Variants in GRM3 observed in about 807,000 individuals in gnomAD.
GRM3 encodes glutamate metabotropic receptor 3.
In GRM3, 26 loss-of-function variants were observed where a neutral mutation model predicts 70.5. That is an observed-to-expected ratio of 0.37 (90% CI 0.27 to 0.51). The LOEUF (loss-of-function observed/expected upper bound fraction) is 0.51. Ranked by LOEUF, GRM3 falls within the 20% of genes least tolerant of loss-of-function variation. The probability of loss-of-function intolerance (pLI) is 0.93; values close to 1 mark genes in which losing one functional copy is unlikely to be tolerated. For synonymous variants in GRM3, 443 were observed against 434.9 expected, an observed-to-expected ratio of 1.02 and a Z score of -0.23; for missense variants, 859 against 1,123.8, an observed-to-expected ratio of 0.76 and a Z score of 3.37.
At chr7:86,775,108 T>G (rs1014702997) in intron 2 of GRM3, 5 of 152,146 alleles carry the variant, frequency 3.3e-5, no homozygotes, top group Admixed American at 6.6e-5. Context: ...CAATGTTTAT[T>G]TAACTGACTC....
chr7:86,696,718 G>T (rs1187159312), intron 1 of GRM3, among the ~76,000 whole-genome samples: 2 of 152,076 alleles, frequency 1.3e-5, no homozygotes, highest in African/African-American at 4.8e-5. Flanking sequence ...TGGTGGTGGT[G>T]GTAGCGGTGG....
At chr7:86,720,262 C>T (rs1472474663) in intron 1 of GRM3, among the ~76,000 whole-genome samples, 2 of 151,872 alleles carry the variant, frequency 1.3e-5, no homozygotes, top group Admixed American at 6.6e-5. Context: ...GAGAATCTGG[C>T]AGGACACTGA....
chr7:86,735,300 A>T (rs1412448338), intron 1 of GRM3, among the ~76,000 whole-genome samples: 1 of 152,190 alleles, frequency 6.6e-6, no homozygotes, highest in Non-Finnish European at 1.5e-5. Flanking sequence ...TATGCAAAAC[A>T]TTTGTTCTAG....
At chr7:86,784,081 C>T (rs1182123890) in intron 2 of GRM3, 1 of 152,218 alleles carries the variant, frequency 6.6e-6, no homozygotes, top group Non-Finnish European at 1.5e-5. Flanking sequence ...CTTTCCAATG[C>T]AGAGAATCTT....
chr7:86,748,806 T>A (rs142316106), intron 1 of GRM3, among the ~76,000 whole-genome samples: 1 of 152,168 alleles, frequency 6.6e-6, no homozygotes, highest in Non-Finnish European at 1.5e-5. Flanking sequence ...TAACTCAAAG[T>A]CCTCAAAAGA....
rs878942447 is a variant in GRM3, at chr7:86,839,999, C to T, written c.2391+94C>T. The T allele has an allele frequency of 4.2e-5, 30 of 717,196 alleles. No individual in the cohort carries two copies. The highest frequency in any genetic ancestry group is 7.2e-5 in the Admixed American group (3 of 41,680). 44.4% of individuals were successfully genotyped at this position (717,196 alleles called of 1,614,324 possible). On this transcript the variant is annotated intron_variant, in intron 4 of 5. Transcript: ENST00000361669. The surrounding 1 kb of genome is among the most constrained non-coding windows in gnomAD (Gnocchi z 4.5). Reference sequence around the variant, plus strand: ...ATAGACTCCTTTTATTTCATCTCAACGAGTTGGGTAATTTCAAATGCCATG... The same window carrying T: ...ATAGACTCCTTTTATTTCATCTCAATGAGTTGGGTAATTTCAAATGCCATG...
intron 1 of GRM3, among the ~76,000 whole-genome samples, chr7:86,662,941 C>G (rs180846546): frequency 4.0e-5 from 6 of 151,696 alleles, no homozygotes; most frequent in African/African-American, 1.5e-4. Context: ...AGTCTTTTCT[C>G]TAATGAGTTA....
At chr7:86,741,488 T>A (rs1308844988) in intron 1 of GRM3, among the ~76,000 whole-genome samples, 3 of 152,148 alleles carry the variant, frequency 2.0e-5, no homozygotes, top group East Asian at 3.9e-4. Context: ...AAGTTAATAT[T>A]TATAGTCAAC....
rs2116544138 is a variant in GRM3 at position 86,786,574 on chromosome 7, G to A, written c.782G>A (p.Arg261Gln). The change falls in exon 3 of 6, where the codon CGA (arginine) becomes CAA (glutamine). Residue 261 changes from arginine to glutamine, a missense_variant. Transcript: ENST00000361669. This position sits in a 1 kb window ranked among gnomAD's most constrained non-coding sequence, Gnocchi z 6.0. Reference protein sequence around the residue: ...NIRKSYDSVIRELLQKPNARV... With the variant: ...NIRKSYDSVIQELLQKPNARV... The stretch of plus-strand genomic sequence containing the variant: ...CGCAAGTCCTACGACAGCGTGATCC[G>A]AGAACTGTTGCAGAAGCCCAACGCG... 1 of 1,613,880 alleles carries A rather than the reference G, an allele frequency of 6.2e-7. No homozygotes were observed. The highest frequency in any genetic ancestry group is 1.3e-5 in the African/African-American group (1 of 75,068).
chr7:86,818,462 T>C (rs1798058563), intron 3 of GRM3, among the ~76,000 whole-genome samples: 1 of 152,088 alleles, frequency 6.6e-6, no homozygotes, highest in South Asian at 2.1e-4. Context: ...TTTCACTTAC[T>C]AGTCACATGG....
intron 3 of GRM3, among the ~76,000 whole-genome samples, chr7:86,796,219 C>T (rs1253105578): frequency 1.3e-5 from 2 of 151,962 alleles, no homozygotes; most frequent in African/African-American, 2.4e-5. Flanking sequence ...GTATTTAATC[C>T]ATCTTGAGTT....
At position 86,673,267 on chromosome 7, in the gene GRM3, A is replaced by C. The variant is rs1794218324; in HGVS notation, c.-141+28395A>C. On this transcript the variant is annotated intron_variant, in intron 1 of 5. Transcript: ENST00000361669. ...TCTCTACTCAACTGGCATCATCCTT[A>C]TTTGTGGGGGAAGTAAGTGTAGCAA... Among the ~76,000 whole-genome samples, 6 of 152,092 alleles carry C rather than the reference A, an allele frequency of 3.9e-5. 1 individual carries two copies. The South Asian group carries it at 1.0e-3, about 26-fold the overall frequency.
At chr7:86,709,785 G>A (rs1435869384) in intron 1 of GRM3, among the ~76,000 whole-genome samples, 2 of 152,072 alleles carry the variant, frequency 1.3e-5, no homozygotes, top group African/African-American at 4.8e-5. Flanking sequence ...ACACATCTGA[G>A]CCTTACCATA....
chr7:86,717,712 G>C (rs1795353257), intron 1 of GRM3, among the ~76,000 whole-genome samples: 1 of 151,954 alleles, frequency 6.6e-6, no homozygotes, highest in Non-Finnish European at 1.5e-5. Context: ...GTTACTTGAA[G>C]ACGTGAAACA....
intron 2 of GRM3, among the ~76,000 whole-genome samples, chr7:86,780,535 T>C (rs1030753850): frequency 6.6e-6 from 1 of 152,232 alleles, no homozygotes; most frequent in Admixed American, 6.5e-5. Flanking sequence ...TATCTGAACA[T>C]TGAAAATAAA....
chr7:86,820,036 T>G (rs1229155053), intron 3 of GRM3, among the ~76,000 whole-genome samples: 1 of 152,164 alleles, frequency 6.6e-6, no homozygotes. Context: ...TTTTTGATGG[T>G]ATGAATTCAG....
intron 3 of GRM3, among the ~76,000 whole-genome samples, chr7:86,804,322 C>T (rs888460849): frequency 1.3e-5 from 2 of 152,182 alleles, no homozygotes; most frequent in African/African-American, 4.8e-5. Flanking sequence ...CAAATCTCAT[C>T]GACAACCCAA....
chr7:86,786,675 T>TTC lies in GRM3; in HGVS notation c.884_885dup (p.Thr296SerfsTer100). The TTC allele has an allele frequency of 6.2e-7, 1 of 1,612,086 alleles. No individual in the cohort carries two copies. Among genetic ancestry groups the TTC allele is most frequent in the Non-Finnish European group, 8.5e-7 (1 of 1,179,908 alleles). ...AGCCGCCAGCCGCGCCAATGCCTCC[T>TTC]TCACCTGGGTGGCCAGCGACGGCTG... On this transcript the variant is annotated frameshift_variant, in exon 3 of 6. Transcript: ENST00000361669. LOFTEE classifies it high-confidence loss of function. This position sits in a 1 kb window ranked among gnomAD's most constrained non-coding sequence, Gnocchi z 6.0.
At chr7:86,718,759 C>G (rs1441685494) in intron 1 of GRM3, among the ~76,000 whole-genome samples, 1 of 151,926 alleles carries the variant, frequency 6.6e-6, no homozygotes. Flanking sequence ...AATTCAACCC[C>G]TCAAAACCTT....
Sources: gnomAD v4.1 joint callset for allele counts (sites outside exome capture counted in the v4.1 genomes callset) on GRCh38, gnomAD v4.1.1 for gene constraint, Gnocchi (gnomAD v3.1) non-coding constraint, MANE v1.5 for transcripts, NCBI Gene and HGNC (gene_info 2026-07-23, HGNC 2026-07-21) for gene names.